KCNIP1: variants seen among roughly 807,000 people sequenced by gnomAD.
KCNIP1 encodes A-type potassium channel modulatory protein KCNIP1.
Under a neutral mutation model 33.0 loss-of-function variants are expected in KCNIP1, and 18 were observed. That is an observed-to-expected ratio of 0.55 (90% CI 0.38 to 0.81). KCNIP1 has a LOEUF of 0.81. Ranked by LOEUF, KCNIP1 falls within the 30% of genes least tolerant of loss-of-function variation. The pLI is 0.00. For synonymous variants in KCNIP1, 93 were observed against 98.3 expected, an observed-to-expected ratio of 0.95 and a Z score of 0.32; for missense variants, 238 against 271.6, an observed-to-expected ratio of 0.88 and a Z score of 0.87.
At chr5:170,439,984 G>A (rs901407202) in intron 1 of KCNIP1, among the ~76,000 whole-genome samples, 3 of 152,240 alleles carry the variant, frequency 2.0e-5, no homozygotes, top group South Asian at 2.1e-4. Context: ...GCTGAAGGCA[G>A]GACCTTGCAA....
chr5:170,521,629 CCA>C (rs1755366837), intron 1 of KCNIP1, among the ~76,000 whole-genome samples: 1 of 152,168 alleles, frequency 6.6e-6, no homozygotes, highest in African/African-American at 2.4e-5. Context: ...AGAGCAAAAT[CCA>C]CACACAGCAT....
chr5:170,585,795 C>T (rs1001301814), intron 1 of KCNIP1, among the ~76,000 whole-genome samples: 5 of 152,200 alleles, frequency 3.3e-5, no homozygotes, highest in Admixed American at 6.5e-5. Flanking sequence ...TCACATGGAA[C>T]CCAGTCGCAG....
At chr5:170,633,001 C>T (rs564646745) in intron 1 of KCNIP1, among the ~76,000 whole-genome samples, 6 of 152,204 alleles carry the variant, frequency 3.9e-5, no homozygotes, top group Non-Finnish European at 7.3e-5. Flanking sequence ...CCCTTCTCCC[C>T]GAGGAATAAT....
intron 1 of KCNIP1, among the ~76,000 whole-genome samples, chr5:170,532,497 A>G (rs1220121081): frequency 3.3e-5 from 5 of 152,094 alleles, no homozygotes. Context: ...CTGAACCTCA[A>G]CACTTTTTGA....
intron 1 of KCNIP1, among the ~76,000 whole-genome samples, chr5:170,369,879 G>C (rs140971076): frequency 6.6e-6 from 1 of 152,152 alleles, no homozygotes; most frequent in East Asian, 1.9e-4. Flanking sequence ...TTATTATCAC[G>C]GGTCATGATT....
chr5:170,683,636 C>A (rs1181414436), intron 1 of KCNIP1, among the ~76,000 whole-genome samples: 2 of 152,164 alleles, frequency 1.3e-5, no homozygotes, highest in East Asian at 3.8e-4. Context: ...GTAATGCTGT[C>A]ATTCTAAGGA....
At chr5:170,660,955 A>G (rs1484125983) in intron 1 of KCNIP1, among the ~76,000 whole-genome samples, 3 of 152,268 alleles carry the variant, frequency 2.0e-5, no homozygotes, top group Non-Finnish European at 4.4e-5. Context: ...TGGGGCCTGC[A>G]GAGGATTTCC....
At chr5:170,496,397 C>A (rs1010276291) in intron 1 of KCNIP1, among the ~76,000 whole-genome samples, 5 of 152,218 alleles carry the variant, frequency 3.3e-5, no homozygotes, top group Non-Finnish European at 5.9e-5. Flanking sequence ...GTCAGACCAG[C>A]TGAGTTCAAG....
At chr5:170,650,258 A>G (rs1228136101) in intron 1 of KCNIP1, among the ~76,000 whole-genome samples, 1 of 152,176 alleles carries the variant, frequency 6.6e-6, no homozygotes, top group African/African-American at 2.4e-5. Flanking sequence ...AAATCACCAC[A>G]ATCAAGATAT....
intron 1 of KCNIP1, among the ~76,000 whole-genome samples, chr5:170,676,673 C>A (rs1233518752): frequency 2.6e-5 from 4 of 152,170 alleles, no homozygotes; most frequent in African/African-American, 4.8e-5. Context: ...CAGCAGCAAG[C>A]CCTGTTGAGT....
intron 1 of KCNIP1, among the ~76,000 whole-genome samples, chr5:170,624,729 A>AG (rs1554105623): frequency 6.7e-5 from 3 of 44,914 alleles, no homozygotes; most frequent in Admixed American, 2.6e-4. Context: ...GAGACCGGGG[A>AG]GGTGGGGGGG....
intron 1 of KCNIP1, among the ~76,000 whole-genome samples, chr5:170,527,723 C>T (rs1755632777): frequency 1.3e-5 from 2 of 149,654 alleles, no homozygotes; most frequent in Admixed American, 1.4e-4. Flanking sequence ...CTGAGCTGGA[C>T]GTTAGCACAC....
In KCNIP1 at chr5:170,675,304, A is replaced by T. The variant is rs188347407; in HGVS notation, c.62-43454A>T. ...ACAGAGTGAGACCCTGTCTCAAAAA[A>T]TATATATATATAAATAAATAAATAA... On this transcript the variant is annotated intron_variant, in intron 1 of 7. Coordinates refer to ENST00000328939, the MANE Select transcript of KCNIP1 (RefSeq NM_014592.4). 1.5e-3 allele frequency among the ~76,000 whole-genome samples: 220 copies of T among 151,020 alleles called. 1 individual carries two copies. Among genetic ancestry groups the T allele is most frequent in the African/African-American group, 4.9e-3 (203 of 41,246 alleles).
At chr5:170,562,605 C>G (rs552116668) in intron 1 of KCNIP1, among the ~76,000 whole-genome samples, 2 of 152,232 alleles carry the variant, frequency 1.3e-5, no homozygotes, top group Admixed American at 6.5e-5. Context: ...TTTCCCAAAG[C>G]CTGGCATCCA....
chr5:170,588,863 G>C (rs1417902488), intron 1 of KCNIP1, among the ~76,000 whole-genome samples: 1 of 152,080 alleles, frequency 6.6e-6, no homozygotes, highest in African/African-American at 2.4e-5. Flanking sequence ...ACCCTCCTCT[G>C]TTTCTTGCTG....
At chr5:170,378,647 T>C in intron 1 of KCNIP1, 2 of 1,532,440 alleles carry the variant, frequency 1.3e-6, no homozygotes, top group Non-Finnish European at 1.8e-6. Context: ...GGAGCAGCCC[T>C]GGGGGCCCAG....
chr5:170,579,020 G>A (rs1404493768), intron 1 of KCNIP1, among the ~76,000 whole-genome samples: 1 of 152,196 alleles, frequency 6.6e-6, no homozygotes, highest in Non-Finnish European at 1.5e-5. Flanking sequence ...AAGTGTATCA[G>A]TCAGCAATTG....
chr5:170,536,172 G>A (rs930287659), intron 1 of KCNIP1, among the ~76,000 whole-genome samples: 2 of 152,214 alleles, frequency 1.3e-5, no homozygotes, highest in Non-Finnish European at 2.9e-5. Context: ...TGCCTTGACC[G>A]GGGTCACACA....
chr5:170,530,398 A>T (rs1755745148), intron 1 of KCNIP1, among the ~76,000 whole-genome samples: 1 of 152,174 alleles, frequency 6.6e-6, no homozygotes, highest in South Asian at 2.1e-4. Flanking sequence ...TACTCTTCCC[A>T]TTTTGTAGAT....
Sources: allele counts gnomAD v4.1 joint callset (sites outside exome capture counted in the v4.1 genomes callset), GRCh38; gene constraint gnomAD v4.1.1; transcripts MANE v1.5; gene names NCBI Gene and HGNC (gene_info 2026-07-23, HGNC 2026-07-21).